CNTN4: variants seen among roughly 807,000 people sequenced by gnomAD.
CNTN4 encodes the protein contactin 4, also known as contactin-4.
CNTN4 carries 77 observed loss-of-function variants against 122.5 expected under a neutral mutation model. That is an observed-to-expected ratio of 0.63 (90% CI 0.52 to 0.76). The LOEUF (loss-of-function observed/expected upper bound fraction) is 0.76. Ranked by LOEUF, CNTN4 falls within the 30% of genes least tolerant of loss-of-function variation. The pLI is 0.00. For missense variants in CNTN4, 1,256 were observed against 1,259.1 expected, an observed-to-expected ratio of 1.00 and a Z score of 0.04; for synonymous variants, 512 against 447.0, an observed-to-expected ratio of 1.15 and a Z score of -1.83.
chr3:2,574,979 C>G (rs2079594477), intron 4 of CNTN4, among the ~76,000 whole-genome samples: 1 of 151,964 alleles, frequency 6.6e-6, no homozygotes, highest in East Asian at 1.9e-4. Context: ...AGATGCAGTT[C>G]CTAGTCCACC....
intron 3 of CNTN4, among the ~76,000 whole-genome samples, chr3:2,391,977 A>G (rs1031989905): frequency 2.6e-5 from 4 of 152,018 alleles, no homozygotes; most frequent in African/African-American, 9.7e-5. Context: ...TTTTTATTCA[A>G]CTCATTTCAT....
intron 4 of CNTN4, among the ~76,000 whole-genome samples, chr3:2,676,129 C>T (rs1406246619): frequency 6.6e-6 from 1 of 152,156 alleles, no homozygotes; most frequent in Admixed American, 6.5e-5. Context: ...TTTTATCCCT[C>T]CCTCCTACAT....
At chr3:2,513,533 A>G (rs1171698530) in intron 3 of CNTN4, among the ~76,000 whole-genome samples, 1 of 151,794 alleles carries the variant, frequency 6.6e-6, no homozygotes, top group East Asian at 1.9e-4. Flanking sequence ...CTTTATTTGT[A>G]CTTAGCAGAA....
chr3:2,255,555 CA>C (rs2040550463), intron 2 of CNTN4, among the ~76,000 whole-genome samples: 1 of 152,228 alleles, frequency 6.6e-6, no homozygotes, highest in East Asian at 1.9e-4. Flanking sequence ...CTCTACTCAG[CA>C]AATGCAAAAG....
At chr3:2,596,205 C>T (rs28451819) in intron 4 of CNTN4, among the ~76,000 whole-genome samples, 5,446 of 152,160 alleles carry the variant, frequency 0.036, 280 homozygotes, top group East Asian at 0.18. Context: ...CCTAAACCCA[C>T]CTTGATTTAT....
At chr3:3,031,122 G>A (rs952901622) in intron 16 of CNTN4, 147 bp downstream of exon 16, 6 of 1,053,560 alleles carry the variant, frequency 5.7e-6, no homozygotes, top group Non-Finnish European at 8.6e-6. Context: ...ACAGTCCACA[G>A]AAGTTTCTGG....
At chr3:2,449,188 C>T (rs1575655501) in intron 3 of CNTN4, among the ~76,000 whole-genome samples, 1 of 152,098 alleles carries the variant, frequency 6.6e-6, no homozygotes, top group African/African-American at 2.4e-5. Flanking sequence ...TAGAGAAAAG[C>T]TTTGCTATTT....
intron 13 of CNTN4, among the ~76,000 whole-genome samples, chr3:2,943,143 G>A (rs1361970018): frequency 6.6e-6 from 1 of 152,118 alleles, no homozygotes; most frequent in Non-Finnish European, 1.5e-5. Flanking sequence ...GTGGAACAAA[G>A]ATGCAAGTTC....
intron 2 of CNTN4, chr3:2,238,973 C>T (rs1378736446): frequency 6.7e-6 from 1 of 148,874 alleles, no homozygotes; most frequent in Non-Finnish European, 1.5e-5. Context: ...GATCCGCCCG[C>T]CTCGGCCTCC....
rs1576513860 is a variant in CNTN4 at position 2,705,858 on chromosome 3, T to A, written c.56-30357T>A. The stretch of plus-strand genomic sequence containing the variant: ...TATAATATATAATATATAATATATG[T>A]GTTTATATATAATATATATTTTTTA... On this transcript the variant is annotated intron_variant, in intron 4 of 24. Coordinates refer to ENST00000418658, the MANE Select transcript of CNTN4 (RefSeq NM_175607.3). Among the ~76,000 whole-genome samples the A allele has an allele frequency of 3.3e-5, 3 of 90,072 alleles. 1 individual carries two copies. Among genetic ancestry groups the A allele is most frequent in the African/African-American group, 1.1e-4 (2 of 18,972 alleles). 59.1% of individuals were successfully genotyped at this position (90,072 alleles called of 152,430 possible). A position where few individuals can be genotyped will look rare whatever the true frequency, so the allele number is the denominator to read the frequency against.
chr3:2,239,071 G>A (rs1015237934), intron 2 of CNTN4: 4 of 152,080 alleles, frequency 2.6e-5, no homozygotes, highest in Middle Eastern at 3.4e-3. Flanking sequence ...TCTTTTAAGT[G>A]AGTCAACCTA....
chr3:2,996,252 G>A (rs1336099445), intron 14 of CNTN4, among the ~76,000 whole-genome samples: 1 of 152,090 alleles, frequency 6.6e-6, no homozygotes, highest in African/African-American at 2.4e-5. Flanking sequence ...TTCTGGAAGA[G>A]GGAATATGAG....
chr3:3,050,763 CAAAAAAAAA>C (rs1184756504), intron 23 of CNTN4, among the ~76,000 whole-genome samples: 2 of 85,038 alleles, frequency 2.4e-5, no homozygotes, highest in Non-Finnish European at 4.2e-5. Flanking sequence ...AACTCCGTCT[CAAAAAAAAA>C]AAAAAAAAAA....
At chr3:2,248,710 C>G (rs539181528) in intron 2 of CNTN4, among the ~76,000 whole-genome samples, 1 of 151,994 alleles carries the variant, frequency 6.6e-6, no homozygotes, top group Non-Finnish European at 1.5e-5. Flanking sequence ...GCACTCTCTT[C>G]CGTTAATACT....
At chr3:2,170,118 G>T (rs932918495) in intron 2 of CNTN4, among the ~76,000 whole-genome samples, 1 of 151,774 alleles carries the variant, frequency 6.6e-6, no homozygotes, top group Admixed American at 6.6e-5. Context: ...TCAGGAGATC[G>T]AGACCATCCT....
intron 6 of CNTN4, among the ~76,000 whole-genome samples, chr3:2,793,998 T>A (rs993904932): frequency 6.6e-6 from 1 of 152,184 alleles, no homozygotes; most frequent in African/African-American, 2.4e-5. Flanking sequence ...AAACATGTAC[T>A]GCCATGCATA....
At chr3:2,147,557 C>G (rs186130687) in intron 2 of CNTN4, among the ~76,000 whole-genome samples, 240 of 152,138 alleles carry the variant, frequency 1.6e-3, no homozygotes, top group African/African-American at 5.6e-3. Context: ...CCCTCTTTCC[C>G]GTCCTCCACT....
intron 7 of CNTN4, among the ~76,000 whole-genome samples, chr3:2,843,704 TC>T (rs2093405056): frequency 1.3e-5 from 2 of 152,128 alleles, no homozygotes; most frequent in South Asian, 4.1e-4. Context: ...CGCTCCTGCT[TC>T]ACCTTCCACC....
intron 8 of CNTN4, among the ~76,000 whole-genome samples, chr3:2,878,258 C>T (rs1559610613): frequency 6.6e-6 from 1 of 152,142 alleles, no homozygotes; most frequent in Non-Finnish European, 1.5e-5. Context: ...ACAACATATA[C>T]AGATCATTTT....
Sources: allele counts gnomAD v4.1 joint callset (sites outside exome capture counted in the v4.1 genomes callset), GRCh38; gene constraint gnomAD v4.1.1; transcripts MANE v1.5; gene names NCBI Gene and HGNC (gene_info 2026-07-23, HGNC 2026-07-21).